SLC9B2: variants seen among roughly 807,000 people sequenced by gnomAD.
SLC9B2 encodes the protein solute carrier family 9 member B2, also known as sodium/hydrogen exchanger 9B2.
Under a neutral mutation model 52.2 loss-of-function variants are expected in SLC9B2, and 39 were observed. The observed-to-expected ratio is 0.75, with a 90% CI of 0.58 to 0.98. The LOEUF (loss-of-function observed/expected upper bound fraction) is 0.98, where lower values mean the gene tolerates loss of function less well. Ranked by LOEUF, SLC9B2 falls within the 50% of genes least tolerant of loss-of-function variation. The pLI is 0.00. For synonymous variants in SLC9B2, 214 were observed against 227.0 expected, an observed-to-expected ratio of 0.94 and a Z score of 0.51; for missense variants, 626 against 637.5, an observed-to-expected ratio of 0.98 and a Z score of 0.19.
intron 11 of SLC9B2, 113 bp downstream of exon 11, chr4:103,028,634 A>T: frequency 7.7e-7 from 1 of 1,295,430 alleles, no homozygotes; most frequent in Non-Finnish European, 1.1e-6. Flanking sequence ...TCTTTTCATA[A>T]ATCCACTTCA....
intron 5 of SLC9B2, 49 bp downstream of exon 5, chr4:103,050,191 T>C (rs530195510): frequency 5.1e-5 from 76 of 1,492,764 alleles, no homozygotes; most frequent in South Asian, 2.4e-4. Flanking sequence ...ACCTGAAGCA[T>C]TGAAGAAACA....
At chr4:103,073,556 CTTATCTGA>C (rs2110677073) in intron 1 of SLC9B2, among the ~76,000 whole-genome samples, 1 of 152,212 alleles carries the variant, frequency 6.6e-6, no homozygotes, top group South Asian at 2.1e-4. Flanking sequence ...TGAGAACTAC[CTTATCTGA>C]AAGACTTAGG....
intron 2 of SLC9B2, 113 bp downstream of exon 2, chr4:103,067,347 TG>T: frequency 3.4e-6 from 3 of 874,226 alleles, no homozygotes; most frequent in Admixed American, 4.1e-5. Context: ...TGATGTTAGC[TG>T]GGAAAACTGG....
In SLC9B2 at chr4:103,028,789, C is replaced by G; in HGVS notation, c.1350G>C (p.Lys450Asn). Residue 450 changes from lysine to asparagine, a missense_variant, in exon 11 of 12, where the codon AAG becomes AAC. Lys to Asn is a moderately conservative substitution (Grantham distance 94). Coordinates refer to ENST00000394785, the MANE Select transcript of SLC9B2 (RefSeq NM_178833.7). ...VCFAGFNLKEKIFISFAWLPK... is the reference protein window; with the variant it reads ...VCFAGFNLKENIFISFAWLPK... ...GAAGCCATGCAAAAGAAATAAATAT[C>G]TTTTCTTTTAAGTTAAAACCAGCAA... 1 of 1,609,254 alleles carries G rather than the reference C, an allele frequency of 6.2e-7. No homozygotes were observed. The highest frequency in any genetic ancestry group is 8.5e-7 in the Non-Finnish European group (1 of 1,178,354).
chr4:103,042,933 G>A (rs1337372145), intron 9 of SLC9B2, among the ~76,000 whole-genome samples: 1 of 151,208 alleles, frequency 6.6e-6, no homozygotes, highest in African/African-American at 2.4e-5. Context: ...GTGTTTTTTA[G>A]AATTGACAGA....
At chr4:103,046,696 C>T (rs569873121) in intron 7 of SLC9B2, among the ~76,000 whole-genome samples, 11 of 149,952 alleles carry the variant, frequency 7.3e-5, no homozygotes, top group Middle Eastern at 6.8e-3. Context: ...AGTCTCCACA[C>T]ATCTTTTGTG....
intron 9 of SLC9B2, among the ~76,000 whole-genome samples, chr4:103,033,260 T>TA (rs546042454): frequency 4.6e-5 from 7 of 151,336 alleles, no homozygotes; most frequent in Middle Eastern, 3.4e-3. Flanking sequence ...GGCCAATCAA[T>TA]AAAAAAAAGA....
At chr4:103,026,644 A>G (rs1037331578) in intron 11 of SLC9B2, 53 bp from the exon 12 acceptor site, 1 of 1,521,252 alleles carries the variant, frequency 6.6e-7, no homozygotes, top group Non-Finnish European at 8.9e-7. Flanking sequence ...GCACATATAA[A>G]AAAAGTGAGT....
At chr4:103,034,575 G>C (rs1478745272) in intron 9 of SLC9B2, among the ~76,000 whole-genome samples, 1 of 151,924 alleles carries the variant, frequency 6.6e-6, no homozygotes, top group African/African-American at 2.4e-5. Context: ...CTAATGTCCA[G>C]AATCTTTAAG....
At chr4:103,063,854 C>A (rs1482032847) in intron 3 of SLC9B2, among the ~76,000 whole-genome samples, 2 of 152,070 alleles carry the variant, frequency 1.3e-5, no homozygotes, top group African/African-American at 4.8e-5. Flanking sequence ...AGCAGGAAAA[C>A]AAATAATCCA....
chr4:103,064,297 T>C (rs1204825898), intron 3 of SLC9B2, among the ~76,000 whole-genome samples: 1 of 152,202 alleles, frequency 6.6e-6, no homozygotes, highest in Non-Finnish European at 1.5e-5. Flanking sequence ...ATATACACAA[T>C]GATATGCTTT....
At chr4:103,061,113 G>A (rs1253181639) in intron 3 of SLC9B2, among the ~76,000 whole-genome samples, 1 of 152,094 alleles carries the variant, frequency 6.6e-6, no homozygotes, top group Non-Finnish European at 1.5e-5. Context: ...TCCCTGAGGT[G>A]GATCTAGAAC....
chr4:103,035,251 T>C (rs558840846), intron 9 of SLC9B2, among the ~76,000 whole-genome samples: 86 of 152,328 alleles, frequency 5.6e-4, no homozygotes, highest in African/African-American at 1.9e-3. Context: ...TTTCTGTTTC[T>C]GTGTTAGTTT....
rs1448309691 is a variant in SLC9B2 at position 103,076,281 on chromosome 4, G to C, written c.-140C>G. On this transcript the variant is annotated 5_prime_UTR_variant, in exon 1 of 12. Transcript: ENST00000394785. ...AGCCCGGTCTAGCCACCGCGCTCTGGGGTTCCCGATTCGCGCATCTTCCCA... is the reference window on the plus strand; with the variant it reads ...AGCCCGGTCTAGCCACCGCGCTCTGCGGTTCCCGATTCGCGCATCTTCCCA... 6.6e-6 allele frequency: 1 copy of C among 152,454 alleles called. No individual in the cohort carries two copies. The highest frequency in any genetic ancestry group is 2.4e-5 in the African/African-American group (1 of 41,478). The allele number at this position is 152,454 out of a possible 1,614,324, so 9.4% of individuals were successfully genotyped here.
At position 103,049,134 on chromosome 4, in the gene SLC9B2, A is replaced by G. The variant is rs1361782254; in HGVS notation, c.586-114T>C. 7 of 1,256,406 alleles carry G rather than the reference A, an allele frequency of 5.6e-6. No homozygotes were observed. In the Admixed American group the frequency reaches 1.3e-4, roughly 24 times the overall value. 77.8% of individuals were successfully genotyped at this position (1,256,406 alleles called of 1,614,324 possible). A position where few individuals can be genotyped will look rare whatever the true frequency, so the allele number is the denominator to read the frequency against. On this transcript the variant is annotated intron_variant, in intron 5 of 11. Coordinates refer to ENST00000394785, the MANE Select transcript of SLC9B2 (RefSeq NM_178833.7). The stretch of plus-strand genomic sequence containing the variant: ...CACGTCTGGGTCATCATGAGTTTTC[A>G]AGGTAATGAGTTGTATTTAACAAAC...
intron 10 of SLC9B2, 61 bp from the exon 11 acceptor site, chr4:103,028,944 G>A: frequency 9.0e-6 from 12 of 1,334,476 alleles, no homozygotes; most frequent in East Asian, 5.5e-5. Flanking sequence ...TGCATCTCAT[G>A]GTTACTAATT....
rs754738684 is a variant in SLC9B2 at position 103,048,987 on chromosome 4, G to A, written c.619C>T (p.Leu207=). The change falls in exon 6 of 12, where the codon CTG becomes TTG. Residue 207 remains leucine (L), a synonymous_variant. Transcript: ENST00000394785. ...LKKLKGVCVR[L]SMGPCIVEAC... ...TCCACAATACAGGGACCCATGGACA[G>A]TCTTACACAAACGCCCTTTAACTTC... 15 of 1,613,816 alleles carry A rather than the reference G, an allele frequency of 9.3e-6. No individual in the cohort carries two copies. In the Admixed American group the frequency reaches 2.0e-4, roughly 22 times the overall value.
chr4:103,045,902 G>C (rs1744078827), intron 7 of SLC9B2, among the ~76,000 whole-genome samples: 1 of 152,104 alleles, frequency 6.6e-6, no homozygotes, highest in African/African-American at 2.4e-5. Context: ...TTGTTTTAAA[G>C]GTATATACCA....
At chr4:103,027,301 T>G (rs932464366) in intron 11 of SLC9B2, among the ~76,000 whole-genome samples, 1 of 152,166 alleles carries the variant, frequency 6.6e-6, no homozygotes, top group East Asian at 1.9e-4. Flanking sequence ...ATGAAAAACA[T>G]GCAGTGATAC....
Sources: gnomAD v4.1 joint callset for allele counts (sites outside exome capture counted in the v4.1 genomes callset) on GRCh38, gnomAD v4.1.1 for gene constraint, MANE v1.5 for transcripts, NCBI Gene and HGNC (gene_info 2026-07-23, HGNC 2026-07-21) for gene names.